Variants in CELF4 observed in about 807,000 individuals in gnomAD.
CELF4 encodes CUG-BP- and ETR-3-like factor 4.
A neutral mutation model predicts 59.9 loss-of-function variants in CELF4; 18 were observed. The ratio of observed to expected loss-of-function variants is 0.30; its 90% CI spans 0.21 to 0.45. The LOEUF (loss-of-function observed/expected upper bound fraction) is 0.45. Among genes scored for constraint, CELF4 ranks in the 20% least tolerant of loss-of-function variants. CELF4 has a pLI of 1.00. For synonymous variants in CELF4, 261 were observed against 267.1 expected, an observed-to-expected ratio of 0.98 and a Z score of 0.22; for missense variants, 456 against 689.0, an observed-to-expected ratio of 0.66 and a Z score of 3.79.
chr18:37,477,033 G>C (rs908626896), intron 2 of CELF4, among the ~76,000 whole-genome samples: 1 of 152,258 alleles, frequency 6.6e-6, no homozygotes, highest in Non-Finnish European at 1.5e-5. Flanking sequence ...GCATAGAGGT[G>C]ATATGGCTGG....
chr18:37,304,529 A>G (rs1461231794), intron 3 of CELF4, among the ~76,000 whole-genome samples: 1 of 152,130 alleles, frequency 6.6e-6, no homozygotes, highest in East Asian at 1.9e-4. Flanking sequence ...TCAAGGACAA[A>G]CCGACCAAAG....
At chr18:37,372,556 C>T (rs548604863) in intron 2 of CELF4, among the ~76,000 whole-genome samples, 34 of 152,066 alleles carry the variant, frequency 2.2e-4, no homozygotes, top group Non-Finnish European at 4.3e-4. Flanking sequence ...GGGTACTGCA[C>T]ACCAAAATGG....
intron 1 of CELF4, among the ~76,000 whole-genome samples, chr18:37,543,072 C>T (rs887899747): frequency 6.6e-5 from 10 of 152,156 alleles, no homozygotes; most frequent in Non-Finnish European, 1.0e-4. Flanking sequence ...TGAGCAACCC[C>T]TCAAATCTTC....
chr18:37,492,673 A>G (rs2099909951), intron 1 of CELF4, among the ~76,000 whole-genome samples: 1 of 151,770 alleles, frequency 6.6e-6, no homozygotes, highest in Non-Finnish European at 1.5e-5. Context: ...CACTTCGAGT[A>G]CCCGGCTGGA....
intron 1 of CELF4, among the ~76,000 whole-genome samples, chr18:37,509,307 C>T (rs2099941644): frequency 6.6e-6 from 1 of 152,200 alleles, no homozygotes; most frequent in South Asian, 2.1e-4. Context: ...TGCAGAAAAG[C>T]ACCACGAAGC....
chr18:37,343,489 G>A (rs2098131419), intron 2 of CELF4, among the ~76,000 whole-genome samples: 1 of 152,026 alleles, frequency 6.6e-6, no homozygotes, highest in African/African-American at 2.4e-5. Context: ...TGGCAGCCGG[G>A]TGCAGTCTAA....
At chr18:37,314,249 C>G (rs2096780163) in intron 3 of CELF4, among the ~76,000 whole-genome samples, 1 of 152,176 alleles carries the variant, frequency 6.6e-6, no homozygotes, top group Non-Finnish European at 1.5e-5. Context: ...GAGTTCAAGA[C>G]CAGCCTGGCC....
intron 2 of CELF4, among the ~76,000 whole-genome samples, chr18:37,453,125 C>T (rs992505606): frequency 1.3e-5 from 2 of 152,224 alleles, no homozygotes; most frequent in East Asian, 3.8e-4. Context: ...CTGGAATGGC[C>T]CCCTCCTTTT....
intron 2 of CELF4, among the ~76,000 whole-genome samples, chr18:37,402,830 AC>A (rs1357768048): frequency 6.6e-6 from 1 of 152,092 alleles, no homozygotes; most frequent in African/African-American, 2.4e-5. Flanking sequence ...CCACAGCCTA[AC>A]AAGTTCAAGG....
chr18:37,301,919 C>T (rs913594669), intron 3 of CELF4, among the ~76,000 whole-genome samples: 2 of 152,142 alleles, frequency 1.3e-5, no homozygotes, highest in African/African-American at 4.8e-5. Context: ...ACCCACCTTT[C>T]CCCTTCCCCC....
At chr18:37,485,416 C>T in intron 2 of CELF4, 109 bp downstream of exon 2, 1 of 395,824 alleles carries the variant, frequency 2.5e-6, no homozygotes, top group Non-Finnish European at 3.5e-6. Flanking sequence ...TCAGGCGGGG[C>T]GGCGGGCGCC....
At position 37,297,248 on chromosome 18, in the gene CELF4, C is replaced by T. The variant is rs564268939; in HGVS notation, c.449-22005G>A. ...GAAATGTAGCAGGTGGCGAGGGCAC[C>T]GGGAGGCCACTACCTGCCATCTGCC... is the stretch of plus-strand genomic sequence containing the variant. On this transcript the variant is annotated intron_variant, in intron 3 of 12. Coordinates refer to ENST00000420428, the MANE Select transcript of CELF4 (RefSeq NM_020180.4). 3.9e-5 allele frequency among the ~76,000 whole-genome samples: 6 copies of T among 152,252 alleles called. No homozygotes were observed. In the East Asian group the frequency reaches 7.7e-4, roughly 20 times the overall value.
chr18:37,283,696 G>A (rs2094412907), intron 3 of CELF4, among the ~76,000 whole-genome samples: 1 of 152,002 alleles, frequency 6.6e-6, no homozygotes, highest in African/African-American at 2.4e-5. Context: ...CTGGAGATGA[G>A]TAGGCACTGG....
intron 1 of CELF4, among the ~76,000 whole-genome samples, chr18:37,538,665 G>A (rs2154605356): frequency 6.6e-6 from 1 of 152,302 alleles, no homozygotes; most frequent in East Asian, 1.9e-4. Context: ...TGTCGCTTGT[G>A]GGTTGGTCTC....
At chr18:37,554,646 C>A (rs2099984246) in intron 1 of CELF4, among the ~76,000 whole-genome samples, 1 of 152,166 alleles carries the variant, frequency 6.6e-6, no homozygotes, top group Non-Finnish European at 1.5e-5. Flanking sequence ...AGAGAATGAT[C>A]AAAAAGCCAG....
intron 2 of CELF4, among the ~76,000 whole-genome samples, chr18:37,461,562 A>C (rs896108670): frequency 6.6e-5 from 10 of 152,308 alleles, no homozygotes; most frequent in Non-Finnish European, 1.5e-4. Context: ...GGATAATGGG[A>C]ACTACAATTC....
At chr18:37,384,281 T>C (rs1292073271) in intron 2 of CELF4, among the ~76,000 whole-genome samples, 1 of 152,182 alleles carries the variant, frequency 6.6e-6, no homozygotes, top group East Asian at 1.9e-4. Flanking sequence ...TTTATTAATA[T>C]GCAAATTCTA....
intron 1 of CELF4, among the ~76,000 whole-genome samples, chr18:37,538,309 C>A (rs2099975246): frequency 6.6e-6 from 1 of 152,198 alleles, no homozygotes. Flanking sequence ...TAGCCCTGGG[C>A]AAGCTGTCCA....
chr18:37,505,597 G>T (rs1249726897), intron 1 of CELF4, among the ~76,000 whole-genome samples: 1 of 152,126 alleles, frequency 6.6e-6, no homozygotes, highest in Non-Finnish European at 1.5e-5. Context: ...ATCCTCCCCA[G>T]CCTTTTTGTG....
Sources: gnomAD v4.1 joint callset for allele counts (sites outside exome capture counted in the v4.1 genomes callset) on GRCh38, gnomAD v4.1.1 for gene constraint, MANE v1.5 for transcripts, NCBI Gene and HGNC (gene_info 2026-07-23, HGNC 2026-07-21) for gene names.